The following PARD3B variants were observed in gnomAD, a reference collection of about 807,000 sequenced individuals.
The protein encoded by PARD3B is partitioning defective 3 homolog B.
Under a neutral mutation model 130.2 loss-of-function variants are expected in PARD3B, and 103 were observed. That is an observed-to-expected ratio of 0.79 (90% CI 0.67 to 0.93). The LOEUF (loss-of-function observed/expected upper bound fraction) is 0.93, where lower values mean the gene tolerates loss of function less well. Among genes scored for constraint, PARD3B ranks in the 40% least tolerant of loss-of-function variants. The pLI is 0.00. For synonymous variants in PARD3B, 583 were observed against 553.2 expected (o/e 1.05, Z -0.76); for missense variants, 1,609 against 1,499.2 (o/e 1.07, Z -1.21).
intron 2 of PARD3B, among the ~76,000 whole-genome samples, chr2:204,910,661 A>T (rs1382183245): frequency 6.6e-6 from 1 of 152,104 alleles, no homozygotes; most frequent in Admixed American, 6.5e-5. Context: ...TGTTTTGAGG[A>T]TGGAGTCTCC....
At chr2:204,701,362 G>T (rs1259774650) in intron 2 of PARD3B, among the ~76,000 whole-genome samples, 1 of 152,154 alleles carries the variant, frequency 6.6e-6, no homozygotes, top group Non-Finnish European at 1.5e-5. Context: ...CTTGTCTAGA[G>T]AACTAAGTAA....
intron 22 of PARD3B, among the ~76,000 whole-genome samples, chr2:205,613,739 TAG>T (rs1207285732): frequency 6.6e-6 from 1 of 152,202 alleles, no homozygotes; most frequent in Non-Finnish European, 1.5e-5. Context: ...GACAAAAAAG[TAG>T]AGAGAATTCT....
chr2:204,597,030 G>A (rs11903539), intron 1 of PARD3B, among the ~76,000 whole-genome samples: 10,829 of 151,622 alleles, frequency 0.071, 1,155 homozygotes, highest in African/African-American at 0.23. Context: ...TGGAACATTC[G>A]TATTTGTGGT....
At chr2:205,104,861 C>G (rs1023230510) in intron 5 of PARD3B, among the ~76,000 whole-genome samples, 5 of 152,104 alleles carry the variant, frequency 3.3e-5, no homozygotes, top group South Asian at 2.1e-4. Context: ...AGCACCAAAT[C>G]CTAGCCACTA....
At chr2:204,996,651 T>A (rs1326180838) in intron 3 of PARD3B, among the ~76,000 whole-genome samples, 1 of 150,256 alleles carries the variant, frequency 6.7e-6, no homozygotes, top group Non-Finnish European at 1.5e-5. Context: ...TAAGCAAGCC[T>A]GGGCAATGGC....
chr2:205,501,108 C>T (rs141945961), intron 21 of PARD3B, among the ~76,000 whole-genome samples: 183 of 152,106 alleles, frequency 1.2e-3, no homozygotes, highest in African/African-American at 4.2e-3. Flanking sequence ...GTGTGGGGGG[C>T]CTGTCATGCG....
chr2:204,863,476 C>G (rs1382829649), intron 2 of PARD3B, among the ~76,000 whole-genome samples: 2 of 152,166 alleles, frequency 1.3e-5, no homozygotes, highest in Admixed American at 1.3e-4. Flanking sequence ...GGAATTTCAG[C>G]TCTTTTCCCA....
chr2:204,983,477 T>C (rs1307258148), intron 3 of PARD3B, among the ~76,000 whole-genome samples: 1 of 152,140 alleles, frequency 6.6e-6, no homozygotes, highest in East Asian at 1.9e-4. Context: ...ACATTTGATA[T>C]TAAATTTAAT....
chr2:204,779,389 A>G (rs1306424997), intron 2 of PARD3B, among the ~76,000 whole-genome samples: 3 of 152,290 alleles, frequency 2.0e-5, no homozygotes, highest in South Asian at 2.1e-4. Context: ...ACTGATATGC[A>G]TTGGTCATAG....
intron 20 of PARD3B, among the ~76,000 whole-genome samples, chr2:205,465,609 T>A (rs1391038839): frequency 6.6e-6 from 1 of 152,202 alleles, no homozygotes; most frequent in East Asian, 1.9e-4. Context: ...CTTGCCGCAA[T>A]TACTGGCAGT....
At chr2:205,302,377 A>T (rs1252322917) in intron 18 of PARD3B, among the ~76,000 whole-genome samples, 1 of 151,188 alleles carries the variant, frequency 6.6e-6, no homozygotes, top group Non-Finnish European at 1.5e-5. Flanking sequence ...AAGAAAAAAA[A>T]AATTAGCCAG....
At chr2:205,308,954 G>A (rs938239184) in intron 18 of PARD3B, among the ~76,000 whole-genome samples, 3 of 152,238 alleles carry the variant, frequency 2.0e-5, no homozygotes, top group African/African-American at 7.2e-5. Flanking sequence ...CGGTCTAACA[G>A]CAGAATAGAG....
At chr2:204,930,107 T>A (rs529445288) in intron 2 of PARD3B, among the ~76,000 whole-genome samples, 4 of 152,058 alleles carry the variant, frequency 2.6e-5, no homozygotes, top group Non-Finnish European at 5.9e-5. Context: ...TTTTATGTTT[T>A]CAATTCCTCT....
chr2:204,800,322 A>T (rs1257797398), intron 2 of PARD3B, among the ~76,000 whole-genome samples: 1 of 152,164 alleles, frequency 6.6e-6, no homozygotes, highest in African/African-American at 2.4e-5. Context: ...GGATATTTAA[A>T]AATACAAAGT....
In PARD3B at chr2:205,321,607, A is replaced by C. The variant is rs767342743; in HGVS notation, c.2630+19906A>C. On this transcript the variant is annotated intron_variant, in intron 18 of 22. Transcript: ENST00000406610. This position sits in a 1 kb window ranked among gnomAD's most constrained non-coding sequence, Gnocchi z 4.2. Reference sequence around the variant, plus strand: ...CTTTTTATCCTTAAGTGTACTTTGAAGCTAGGACTATCACTGTATCATTTT... The same window carrying C: ...CTTTTTATCCTTAAGTGTACTTTGACGCTAGGACTATCACTGTATCATTTT... Among the ~76,000 whole-genome samples, 10 of 152,218 alleles carry C rather than the reference A, an allele frequency of 6.6e-5. No individual in the cohort carries two copies. The highest frequency in any genetic ancestry group is 1.3e-4 in the Admixed American group (2 of 15,286).
chr2:205,298,390 T>G (rs2041869683), intron 16 of PARD3B, among the ~76,000 whole-genome samples: 1 of 152,172 alleles, frequency 6.6e-6, no homozygotes. Context: ...TTATCTTCCT[T>G]CCTGGGAATA....
rs1333944292 is a variant in PARD3B at position 205,525,409 on chromosome 2, C to A, written c.3180+25378C>A. On this transcript the variant is annotated intron_variant, in intron 21 of 22. Transcript: ENST00000406610. This position sits in a 1 kb window ranked among gnomAD's most constrained non-coding sequence, Gnocchi z 4.2. Reference sequence around the variant, plus strand: ...AGAGGTTTTTTTGTTTTTGTTTTTACATTGAAGATGTAAAAAATAATTACA... The same window carrying A: ...AGAGGTTTTTTTGTTTTTGTTTTTAAATTGAAGATGTAAAAAATAATTACA... Among the ~76,000 whole-genome samples, 3 of 152,082 alleles carry A rather than the reference C, an allele frequency of 2.0e-5. No homozygotes were observed. The highest frequency in any genetic ancestry group is 2.9e-5 in the Non-Finnish European group (2 of 68,014).
At chr2:204,905,871 T>C (rs1308714928) in intron 2 of PARD3B, among the ~76,000 whole-genome samples, 1 of 152,230 alleles carries the variant, frequency 6.6e-6, no homozygotes, top group African/African-American at 2.4e-5. Context: ...TAGAAACCAG[T>C]GGTTTCTAAC....
chr2:205,500,102 C>A, intron 21 of PARD3B, 71 bp downstream of exon 21: 1 of 1,536,438 alleles, frequency 6.5e-7, no homozygotes, highest in South Asian at 1.2e-5. Flanking sequence ...AGAACACGGT[C>A]AAGAATGTTC....
Sources: gnomAD v4.1 joint callset for allele counts (sites outside exome capture counted in the v4.1 genomes callset) on GRCh38, gnomAD v4.1.1 for gene constraint, Gnocchi (gnomAD v3.1) non-coding constraint, MANE v1.5 for transcripts, NCBI Gene and HGNC (gene_info 2026-07-23, HGNC 2026-07-21) for gene names.